Variants in GAB1 observed in about 807,000 individuals in gnomAD.
The protein encoded by GAB1 is GRB2 associated binding protein 1.
In GAB1, 19 loss-of-function variants were observed where a neutral mutation model predicts 66.5. That is an observed-to-expected ratio of 0.29 (90% CI 0.20 to 0.42). The LOEUF (loss-of-function observed/expected upper bound fraction) is 0.42. Among genes scored for constraint, GAB1 ranks in the 10% least tolerant of loss-of-function variants. The pLI, the probability that GAB1 is intolerant of heterozygous loss-of-function variation, is 1.00. For synonymous variants in GAB1, 294 were observed against 301.4 expected (o/e 0.98, Z 0.25); for missense variants, 732 against 858.5 (o/e 0.85, Z 1.84).
intron 9 of GAB1, among the ~76,000 whole-genome samples, chr4:143,468,697 G>T (rs1368468527): frequency 6.6e-6 from 1 of 151,722 alleles, no homozygotes; most frequent in Non-Finnish European, 1.5e-5. Flanking sequence ...AGGCCAAGGC[G>T]GATGGATCTT....
intron 9 of GAB1, among the ~76,000 whole-genome samples, chr4:143,468,782 G>A (rs1735932019): frequency 6.6e-6 from 1 of 151,918 alleles, no homozygotes; most frequent in Non-Finnish European, 1.5e-5. Context: ...AATTAGCCAG[G>A]CGTGGTGGCA....
At chr4:143,443,881 C>G (rs1734370470) in intron 6 of GAB1, among the ~76,000 whole-genome samples, 1 of 152,158 alleles carries the variant, frequency 6.6e-6, no homozygotes, top group South Asian at 2.1e-4. Flanking sequence ...TGCAGAAATA[C>G]ATAGATGTTC....
chr4:143,434,107 T>A, intron 3 of GAB1: 1 of 1,294,068 alleles, frequency 7.7e-7, no homozygotes, highest in Middle Eastern at 2.1e-4. Context: ...ATCTTTTGTT[T>A]CTGAAGAAGG....
intron 1 of GAB1, among the ~76,000 whole-genome samples, chr4:143,384,652 A>G (rs1730816568): frequency 6.6e-6 from 1 of 152,136 alleles, no homozygotes; most frequent in Non-Finnish European, 1.5e-5. Context: ...TTTCCTGGAG[A>G]GGGGAGAGCT....
At chr4:143,453,714 G>A (rs1355024027) in intron 6 of GAB1, among the ~76,000 whole-genome samples, 1 of 152,102 alleles carries the variant, frequency 6.6e-6, no homozygotes, top group African/African-American at 2.4e-5. Flanking sequence ...AAGATTGTAG[G>A]TTTGAAATAA....
At position 143,416,496 on chromosome 4, in the gene GAB1, C is replaced by T. The variant is rs557935656; in HGVS notation, c.367+725C>T. Among the ~76,000 whole-genome samples, 13 of 152,234 alleles carry T rather than the reference C, an allele frequency of 8.5e-5. No individual in the cohort carries two copies. The South Asian group carries it at 2.5e-3, about 29-fold the overall frequency. On this transcript the variant is annotated intron_variant, in intron 2 of 9. Transcript: ENST00000262994. ...AAAACTATATTAGATTATGGCCGGG[C>T]ACAGTGGCTCACACCTATAATCCCT... is the stretch of plus-strand genomic sequence containing the variant.
rs923351058 is a variant in GAB1 at position 143,469,047 on chromosome 4, C to T, written c.1943C>T (p.Ser648Leu). Reference protein sequence around the residue: ...TPPRKQKSSGSGSSVADERVD... With the variant: ...TPPRKQKSSGLGSSVADERVD... ...GTGTTTTAGCAAAAGAGCAGTGGCT[C>T]AGGCAGCAGTGTAGCAGATGAGAGA... The change falls in exon 10 of 10, where the codon TCA becomes TTA. Residue 648 changes from serine to leucine, a missense_variant. This residue lies in a region of GAB1 where 204 missense variants were observed against 276.8 expected (regional missense o/e 0.74). Transcript: ENST00000262994. The T allele has an allele frequency of 1.9e-6, 3 of 1,613,838 alleles. No homozygotes were observed. Among genetic ancestry groups the T allele is most frequent in the Admixed American group, 3.3e-5 (2 of 59,948 alleles).
chr4:143,388,589 A>G (rs1462626831), intron 1 of GAB1, among the ~76,000 whole-genome samples: 1 of 151,946 alleles, frequency 6.6e-6, no homozygotes, highest in African/African-American at 2.4e-5. Flanking sequence ...TAATTTTTGT[A>G]TTTTTGGTAG....
intron 1 of GAB1, among the ~76,000 whole-genome samples, chr4:143,371,490 T>G (rs995825348): frequency 5.9e-5 from 9 of 152,224 alleles, no homozygotes; most frequent in African/African-American, 2.2e-4. Flanking sequence ...TTTCTCCCAT[T>G]CTGTAGGTTG....
intron 1 of GAB1, among the ~76,000 whole-genome samples, chr4:143,411,455 G>A (rs746923676): frequency 2.3e-4 from 35 of 152,176 alleles, no homozygotes; most frequent in Non-Finnish European, 4.6e-4. Flanking sequence ...AAGTCTAGTC[G>A]TTAAAATGAT....
rs1048272549 is a variant in GAB1 at position 143,469,778 on chromosome 4, A to T, written c.*589A>T. 2.6e-5 allele frequency: 4 copies of T among 152,624 alleles called. No homozygotes were observed. The highest frequency in any genetic ancestry group is 4.4e-5 in the Non-Finnish European group (3 of 68,064). The allele number at this position is 152,624 out of a possible 1,614,324, so 9.5% of individuals were successfully genotyped here. A position where few individuals can be genotyped will look rare whatever the true frequency, so the allele number is the denominator to read the frequency against. On this transcript the variant is annotated 3_prime_UTR_variant, in exon 10 of 10. Transcript: ENST00000262994. ...CAGGACCTAGTTCTCTGGTTAATGT[A>T]CATTTAGTTTTTAATGGTGGAACTT...
chr4:143,444,033 A>C (rs942853001), intron 6 of GAB1, among the ~76,000 whole-genome samples: 6 of 152,194 alleles, frequency 3.9e-5, no homozygotes, highest in African/African-American at 1.4e-4. Context: ...TATTTTAAGC[A>C]TACTGTATTA....
intron 1 of GAB1, among the ~76,000 whole-genome samples, chr4:143,362,066 T>C (rs1729684942): frequency 6.6e-6 from 1 of 152,014 alleles, no homozygotes; most frequent in Non-Finnish European, 1.5e-5. Context: ...GCCTGTAGTG[T>C]TAATTGTTAA....
chr4:143,436,274 TGAG>T (rs1733936374), intron 3 of GAB1, among the ~76,000 whole-genome samples: 1 of 152,114 alleles, frequency 6.6e-6, no homozygotes. Flanking sequence ...AGGAAGATAA[TGAG>T]GAGGAGAGCC....
In GAB1 at chr4:143,337,159, G is replaced by C; in HGVS notation, c.-30G>C. ...GGAGCGCGCCCGCCGCCCCTCAGCT[G>C]CCCGGCCCGGAGCCCGAGACGCGCG... On this transcript the variant is annotated 5_prime_UTR_variant, in exon 1 of 10. Coordinates refer to ENST00000262994, the MANE Select transcript of GAB1 (RefSeq NM_002039.4). 1 of 1,555,576 alleles carries C rather than the reference G, an allele frequency of 6.4e-7. No homozygotes were observed. The highest frequency in any genetic ancestry group is 1.2e-5 in the South Asian group (1 of 84,592).
intron 1 of GAB1, among the ~76,000 whole-genome samples, chr4:143,381,583 G>A (rs775958657): frequency 6.6e-5 from 10 of 152,174 alleles, no homozygotes; most frequent in Admixed American, 3.9e-4. Flanking sequence ...TAATTGGGTC[G>A]TTGGAGATCA....
At chr4:143,431,647 T>A (rs1388904160) in intron 2 of GAB1, among the ~76,000 whole-genome samples, 1 of 152,126 alleles carries the variant, frequency 6.6e-6, no homozygotes, top group Admixed American at 6.5e-5. Context: ...CACATAGATA[T>A]CAAACCAGAA....
At chr4:143,387,639 C>T (rs1280856405) in intron 1 of GAB1, among the ~76,000 whole-genome samples, 1 of 152,184 alleles carries the variant, frequency 6.6e-6, no homozygotes, top group Non-Finnish European at 1.5e-5. Flanking sequence ...TCAGCAGTGC[C>T]ACCCCTGTAG....
intron 2 of GAB1, among the ~76,000 whole-genome samples, chr4:143,419,149 T>A (rs1440956812): frequency 1.3e-5 from 2 of 152,034 alleles, no homozygotes; most frequent in East Asian, 1.9e-4. Flanking sequence ...TCCAAAATAA[T>A]TCATTGTAAT....
Sources: gnomAD v4.1 joint callset for allele counts (sites outside exome capture counted in the v4.1 genomes callset) on GRCh38, gnomAD v4.1.1 for gene constraint, gnomAD v4.1.1 regional missense constraint, MANE v1.5 for transcripts, NCBI Gene and HGNC (gene_info 2026-07-23, HGNC 2026-07-21) for gene names.